Variants in EPG5 observed in about 807,000 individuals in gnomAD.
The protein encoded by EPG5 is ectopic P granules protein 5 homolog.
A neutral mutation model predicts 302.7 loss-of-function variants in EPG5; 159 were observed. The ratio of observed to expected loss-of-function variants is 0.53; its 90% CI spans 0.46 to 0.60. The LOEUF is 0.60. EPG5 is among the 20% of genes least tolerant of loss of function. The pLI is 0.00. For synonymous variants in EPG5, 1,158 were observed against 1,136.8 expected (o/e 1.02, Z -0.37); for missense variants, 2,896 against 3,092.4 (o/e 0.94, Z 1.51).
chr18:45,914,080 C>T (rs2049972369), intron 20 of EPG5, among the ~76,000 whole-genome samples: 1 of 152,110 alleles, frequency 6.6e-6, no homozygotes, highest in Non-Finnish European at 1.5e-5. Flanking sequence ...TCATTAACTC[C>T]ATATTTACCA....
chr18:45,804,097 T>C, the EPG5 span, among the ~76,000 whole-genome samples: 1 of 152,156 alleles, frequency 6.6e-6, no homozygotes, highest in South Asian at 2.1e-4. Flanking sequence ...ATCACCTAAA[T>C]AGAGACGCCT....
rs148046078 is a variant in EPG5, at chr18:45,956,480, G to A, written c.64-1142C>T. On this transcript the variant is annotated intron_variant, in intron 1 of 43. Transcript: ENST00000282041. ...TTATTTATTTTTTTTTTTTTGAGAC[G>A]GAATCTTGCTCTGTTGCGCAGGCTG... Among the ~76,000 whole-genome samples, 791 of 150,344 alleles carry A rather than the reference G, an allele frequency of 5.3e-3. 5 individuals carry two copies. Among genetic ancestry groups the A allele is most frequent in the African/African-American group, 0.018 (728 of 40,954 alleles).
chr18:45,891,248 C>CA (rs1281815558), intron 27 of EPG5, among the ~76,000 whole-genome samples: 11 of 152,008 alleles, frequency 7.2e-5, no homozygotes, highest in Non-Finnish European at 1.3e-4. Context: ...CCTGTAATCC[C>CA]AGCACTTTGG....
chr18:45,952,902 G>A (rs555262117), intron 2 of EPG5, among the ~76,000 whole-genome samples: 10 of 152,258 alleles, frequency 6.6e-5, no homozygotes, highest in African/African-American at 2.4e-4. Flanking sequence ...GGCCAGGCGC[G>A]GTGGCTGATG....
the EPG5 span, chr18:45,825,633 C>G: frequency 4.3e-6 from 6 of 1,403,472 alleles, no homozygotes; most frequent in Admixed American, 1.1e-4. Flanking sequence ...CCTGCCCACC[C>G]CCGCCCGCCT....
At chr18:45,865,251 C>A (rs2048720419) in intron 39 of EPG5, among the ~76,000 whole-genome samples, 1 of 152,228 alleles carries the variant, frequency 6.6e-6, no homozygotes, top group Non-Finnish European at 1.5e-5. Flanking sequence ...GTCCACCAAA[C>A]TGCTGGGAGC....
intron 9 of EPG5, among the ~76,000 whole-genome samples, chr18:45,941,988 C>T (rs886208960): frequency 6.6e-6 from 1 of 152,124 alleles, no homozygotes; most frequent in Admixed American, 6.5e-5. Flanking sequence ...CTTTGGGAGG[C>T]CAAGGCAGGC....
intron 35 of EPG5, among the ~76,000 whole-genome samples, chr18:45,874,260 G>A (rs2048926834): frequency 6.6e-6 from 1 of 152,126 alleles, no homozygotes; most frequent in Admixed American, 6.5e-5. Flanking sequence ...ATGTGTGGGG[G>A]CAGAAGGTAT....
intron 20 of EPG5, among the ~76,000 whole-genome samples, 166 bp downstream of exon 20, chr18:45,915,345 C>T (rs565218559): frequency 1.3e-5 from 2 of 152,142 alleles, no homozygotes; most frequent in African/African-American, 4.8e-5. Flanking sequence ...GGCAACAGCA[C>T]AACCTCACCA....
intron 26 of EPG5, 110 bp from the exon 27 acceptor site, chr18:45,899,676 T>C (rs536085091): frequency 2.7e-6 from 3 of 1,102,466 alleles, no homozygotes; most frequent in Non-Finnish European, 2.6e-6. Context: ...AAAAGACACA[T>C]AAACCATAGT....
intron 8 of EPG5, 55 bp from the exon 9 acceptor site, chr18:45,943,366 A>G (rs1568176949): frequency 3.4e-6 from 5 of 1,458,100 alleles, no homozygotes; most frequent in Non-Finnish European, 4.8e-6. Flanking sequence ...AAAAACATGA[A>G]CGGATACATC....
At chr18:45,907,612 G>A (rs138176792) in intron 24 of EPG5, among the ~76,000 whole-genome samples, 572 of 152,040 alleles carry the variant, frequency 3.8e-3, no homozygotes, top group African/African-American at 0.013. Flanking sequence ...TTCTTACACT[G>A]CATGTAAGAA....
chr18:45,887,384 T>C (rs1326481426), intron 29 of EPG5, among the ~76,000 whole-genome samples: 1 of 152,208 alleles, frequency 6.6e-6, no homozygotes, highest in Non-Finnish European at 1.5e-5. Flanking sequence ...AACCTAGTTT[T>C]CTCATCTTTA....
chr18:45,826,285 A>G, the EPG5 span, among the ~76,000 whole-genome samples: 1 of 152,140 alleles, frequency 6.6e-6, no homozygotes, highest in Non-Finnish European at 1.5e-5. Flanking sequence ...CCAGTGGGTG[A>G]GTGGGAACAC....
At position 45,897,259 on chromosome 18, in the gene EPG5, T is replaced by G. The variant is rs192855169; in HGVS notation, c.4809+2145A>C. The stretch of plus-strand genomic sequence containing the variant: ...TTACAGTTCTTCACAGAGCAAGCCA[T>G]CAGCCAGAACTGGAAAAACATTTCT... On this transcript the variant is annotated intron_variant, in intron 27 of 43. Transcript: ENST00000282041. 2.0e-3 allele frequency among the ~76,000 whole-genome samples: 311 copies of G among 152,330 alleles called. 1 individual carries two copies. The highest frequency in any genetic ancestry group is 7.1e-3 in the African/African-American group (296 of 41,580).
chr18:45,939,628 C>A lies in EPG5; in HGVS notation c.2071G>T (p.Ala691Ser). 1 of 1,614,096 alleles carries A rather than the reference C, an allele frequency of 6.2e-7. No individual in the cohort carries two copies. The highest frequency in any genetic ancestry group is 8.5e-7 in the Non-Finnish European group (1 of 1,180,006). ...QVEFDELFLRAVLHVLKAKRL... is the reference protein window; with the variant it reads ...QVEFDELFLRSVLHVLKAKRL... ...TTGGCCTTCAGCACATGTAGGACAG[C>A]CCTCAAAAACAGTTCATCAAATTCA... Residue 691 changes from alanine (A) to serine (S), a missense_variant, in exon 10 of 44, where the codon GCT becomes TCT. Coordinates refer to ENST00000282041, the MANE Select transcript of EPG5 (RefSeq NM_020964.3).
chr18:45,955,996 G>C (rs2051020882), intron 1 of EPG5, among the ~76,000 whole-genome samples: 1 of 152,202 alleles, frequency 6.6e-6, no homozygotes, highest in African/African-American at 2.4e-5. Context: ...GGATGCTAAA[G>C]TGAGTAAGTG....
intron 35 of EPG5, among the ~76,000 whole-genome samples, chr18:45,874,586 G>A (rs539216924): frequency 1.2e-4 from 18 of 152,204 alleles, no homozygotes; most frequent in Admixed American, 7.8e-4. Flanking sequence ...CAAGCAATAC[G>A]GGAAACCCCT....
intron 35 of EPG5, among the ~76,000 whole-genome samples, chr18:45,875,547 A>G (rs1222439013): frequency 1.3e-5 from 2 of 152,192 alleles, no homozygotes; most frequent in Non-Finnish European, 2.9e-5. Context: ...CAGATGAGAC[A>G]GAGCTGGAGA....
Sources: gnomAD v4.1 joint callset for allele counts (sites outside exome capture counted in the v4.1 genomes callset) on GRCh38, gnomAD v4.1.1 for gene constraint, MANE v1.5 for transcripts, NCBI Gene and HGNC (gene_info 2026-07-23, HGNC 2026-07-21) for gene names.